The following THRAP3 variants were observed in gnomAD, a reference collection of about 807,000 sequenced individuals.
The protein encoded by THRAP3 is thyroid hormone receptor associated protein 3, also known as thyroid hormone receptor-associated protein 3.
A neutral mutation model predicts 101.0 loss-of-function variants in THRAP3; 16 were observed. That is an observed-to-expected ratio of 0.16 (90% CI 0.11 to 0.24). THRAP3 has a LOEUF of 0.24. Among genes scored for constraint, THRAP3 ranks in the 10% least tolerant of loss-of-function variants. The pLI is 1.00. For synonymous variants in THRAP3, 407 were observed against 422.6 expected (o/e 0.96, Z 0.45); for missense variants, 989 against 1,202.7 (o/e 0.82, Z 2.63).
the THRAP3 span, among the ~76,000 whole-genome samples, chr1:36,213,052 C>A: frequency 6.6e-6 from 1 of 152,154 alleles, no homozygotes; most frequent in Admixed American, 6.6e-5. Flanking sequence ...GAAGCTAAGG[C>A]TGGTACGACA....
At chr1:36,210,517 T>C in the THRAP3 span, among the ~76,000 whole-genome samples, 1 of 146,854 alleles carries the variant, frequency 6.8e-6, no homozygotes, top group African/African-American at 2.5e-5. Flanking sequence ...GGTGAAACCC[T>C]GTCTCTACTA....
the THRAP3 span, among the ~76,000 whole-genome samples, chr1:36,209,744 T>A: frequency 2.6e-5 from 4 of 152,170 alleles, no homozygotes; most frequent in Non-Finnish European, 1.5e-5. Flanking sequence ...CCTGGATGGA[T>A]CCTCTGAGGA....
At chr1:36,283,519 T>C (rs528448360) in intron 3 of THRAP3, among the ~76,000 whole-genome samples, 2 of 152,346 alleles carry the variant, frequency 1.3e-5, no homozygotes, top group African/African-American at 4.8e-5. Flanking sequence ...TGTATTTAAA[T>C]TGGTGTGCTG....
At chr1:36,299,542 C>G (rs1371800175) in intron 9 of THRAP3, among the ~76,000 whole-genome samples, 1 of 151,380 alleles carries the variant, frequency 6.6e-6, no homozygotes, top group Non-Finnish European at 1.5e-5. Flanking sequence ...GCTCTGTCAC[C>G]CAGGCTGGAG....
chr1:36,276,863 C>A (rs1302133117), intron 2 of THRAP3, among the ~76,000 whole-genome samples: 1 of 151,878 alleles, frequency 6.6e-6, no homozygotes, highest in African/African-American at 2.4e-5. Flanking sequence ...TCTCAAAAAA[C>A]ATAAATAAAG....
rs937034214 is a variant in THRAP3 at position 36,286,118 on chromosome 1, C to G, written c.138-250C>G. ...GTTTTTCAGTCACTGTAGAAGTACA[C>G]CTCCATTTTAAATGTGCTGCAATAT... On this transcript the variant is annotated intron_variant, in intron 3 of 11. Transcript: ENST00000354618. This position sits in a 1 kb window ranked among gnomAD's most constrained non-coding sequence, Gnocchi z 5.5. Among the ~76,000 whole-genome samples, 2 of 152,160 alleles carry G rather than the reference C, an allele frequency of 1.3e-5. No individual in the cohort carries two copies. The highest frequency in any genetic ancestry group is 4.8e-5 in the African/African-American group (2 of 41,432).
In THRAP3 at chr1:36,303,997, A is replaced by C. The variant is rs770549270; in HGVS notation, c.2848A>C (p.Ile950Leu). The change falls in exon 12 of 12, where the codon ATA becomes CTA. Residue 950 changes from isoleucine (I) to leucine (L), a missense_variant. Physicochemically the swap from Ile to Leu is conservative, Grantham distance 5 (BLOSUM62 2). Transcript: ENST00000354618. Reference protein sequence around the residue: ...GTENREEKDNIQPTTE With the variant: ...GTENREEKDNLQPTTE ...AGAGAACCGAGAAGAGAAGGACAAT[A>C]TACAGCCCACAACCGAGTAGGGGCC... The C allele has an allele frequency of 3.0e-5, 48 of 1,580,818 alleles. No homozygotes were observed. The highest frequency in any genetic ancestry group is 4.0e-5 in the Non-Finnish European group (47 of 1,163,820).
chr1:36,221,891 C>A (rs1335624313), upstream of THRAP3, among the ~76,000 whole-genome samples: 1 of 151,642 alleles, frequency 6.6e-6, no homozygotes, highest in Non-Finnish European at 1.5e-5. Flanking sequence ...CTCACCGCAA[C>A]CTCTGCCTTC....
chr1:36,260,148 A>G (rs894344545), intron 2 of THRAP3, among the ~76,000 whole-genome samples: 2 of 152,152 alleles, frequency 1.3e-5, no homozygotes, highest in Admixed American at 6.5e-5. Context: ...AGGCTGAGGC[A>G]GGAGAATCAC....
At chr1:36,256,500 C>T (rs1570275495) in intron 1 of THRAP3, among the ~76,000 whole-genome samples, 1 of 152,046 alleles carries the variant, frequency 6.6e-6, no homozygotes, top group Non-Finnish European at 1.5e-5. Flanking sequence ...GCTGGGATTA[C>T]AGGCATGAGC....
chr1:36,296,206 T>C (rs1287846310), intron 8 of THRAP3, among the ~76,000 whole-genome samples: 1 of 152,004 alleles, frequency 6.6e-6, no homozygotes, highest in Non-Finnish European at 1.5e-5. Context: ...ACTCCTGAGC[T>C]CAAGTGATCC....
At chr1:36,274,086 A>G (rs1468328232) in intron 2 of THRAP3, among the ~76,000 whole-genome samples, 1 of 126,926 alleles carries the variant, frequency 7.9e-6, no homozygotes, top group Non-Finnish European at 1.6e-5. Context: ...TCACACACAC[A>G]CACACACACA....
upstream of THRAP3, among the ~76,000 whole-genome samples, chr1:36,221,737 C>T (rs1644903629): frequency 1.3e-5 from 2 of 152,016 alleles, no homozygotes; most frequent in South Asian, 2.1e-4. Flanking sequence ...GCATGTGCCA[C>T]CACGCCCAGC....
chr1:36,260,009 A>G (rs1303062277), intron 2 of THRAP3, among the ~76,000 whole-genome samples: 1 of 151,792 alleles, frequency 6.6e-6, no homozygotes, highest in Admixed American at 6.6e-5. Flanking sequence ...TTGGGAGGCC[A>G]AGGCAGGTGA....
At chr1:36,288,244 G>A in intron 4 of THRAP3, 2 of 769,660 alleles carry the variant, frequency 2.6e-6, no homozygotes, top group South Asian at 5.9e-5. Flanking sequence ...CTGAGGTTTT[G>A]GTGCACCCAT....
chr1:36,257,599 G>T (rs1451242619), intron 1 of THRAP3, among the ~76,000 whole-genome samples: 1 of 152,164 alleles, frequency 6.6e-6, no homozygotes, highest in African/African-American at 2.4e-5. Context: ...GGGTGACTCA[G>T]GGTTTCAGGT....
upstream of THRAP3, among the ~76,000 whole-genome samples, chr1:36,223,707 T>C (rs1644922606): frequency 6.6e-6 from 1 of 152,162 alleles, no homozygotes; most frequent in Non-Finnish European, 1.5e-5. Flanking sequence ...CGGTAAACTT[T>C]TGGTTCAATA....
At chr1:36,273,409 T>G (rs1009014925) in intron 2 of THRAP3, among the ~76,000 whole-genome samples, 1 of 152,066 alleles carries the variant, frequency 6.6e-6, no homozygotes, top group Non-Finnish European at 1.5e-5. Context: ...GTCAACAAAG[T>G]AGAAGGGAAT....
intron 1 of THRAP3, among the ~76,000 whole-genome samples, chr1:36,240,028 A>G (rs768470842): frequency 1.3e-5 from 2 of 152,194 alleles, no homozygotes; most frequent in Non-Finnish European, 2.9e-5. Context: ...GAATATAAAT[A>G]TTTACCATGT....
Sources: allele counts gnomAD v4.1 joint callset (sites outside exome capture counted in the v4.1 genomes callset), GRCh38; gene constraint gnomAD v4.1.1; non-coding constraint Gnocchi (gnomAD v3.1); transcripts MANE v1.5; gene names NCBI Gene and HGNC (gene_info 2026-07-23, HGNC 2026-07-21).